AGBL4: variants seen among roughly 807,000 people sequenced by gnomAD.
The protein encoded by AGBL4 is cytosolic carboxypeptidase 6.
AGBL4 carries 58 observed loss-of-function variants against 66.4 expected under a neutral mutation model. That is an observed-to-expected ratio of 0.87 (90% CI 0.71 to 1.09). The LOEUF is 1.09. Among genes scored for constraint, AGBL4 ranks in the 50% least tolerant of loss-of-function variants. AGBL4 has a pLI of 0.00. For synonymous variants in AGBL4, 234 were observed against 222.9 expected (o/e 1.05, Z -0.44); for missense variants, 579 against 631.0 (o/e 0.92, Z 0.88).
intron 5 of AGBL4, among the ~76,000 whole-genome samples, chr1:48,946,248 T>G (rs1656495451): frequency 6.6e-6 from 1 of 152,204 alleles, no homozygotes; most frequent in African/African-American, 2.4e-5. Flanking sequence ...TGTGTACTCT[T>G]GAACTCTGAA....
chr1:49,644,322 G>A (rs1188660494), intron 3 of AGBL4, among the ~76,000 whole-genome samples: 1 of 151,478 alleles, frequency 6.6e-6, no homozygotes, highest in African/African-American at 2.4e-5. Flanking sequence ...ATAAAAAAAT[G>A]CAAACATTCC....
chr1:49,134,666 G>C (rs12036612), intron 4 of AGBL4, among the ~76,000 whole-genome samples: 6,380 of 151,806 alleles, frequency 0.042, 176 homozygotes, highest in East Asian at 0.074. Context: ...GAACGTTGCT[G>C]TTATCCTGTT....
chr1:49,741,382 C>T (rs565701017), intron 2 of AGBL4, among the ~76,000 whole-genome samples: 173 of 152,216 alleles, frequency 1.1e-3, no homozygotes, highest in African/African-American at 4.0e-3. Flanking sequence ...AGACCAATAA[C>T]AGGCTCTGAA....
intron 5 of AGBL4, among the ~76,000 whole-genome samples, chr1:49,012,109 C>T (rs1181492953): frequency 7.9e-5 from 12 of 151,358 alleles, no homozygotes; most frequent in African/African-American, 2.2e-4. Context: ...GGCTACTGTA[C>T]AATGGTGTGA....
At chr1:49,289,012 A>G (rs1644483708) in intron 3 of AGBL4, among the ~76,000 whole-genome samples, 1 of 152,094 alleles carries the variant, frequency 6.6e-6, no homozygotes, top group Non-Finnish European at 1.5e-5. Flanking sequence ...ACACACACAC[A>G]CACAGAGAGA....
rs532629144 is a variant in AGBL4 at position 49,439,393 on chromosome 1, T to G, written c.283-193529A>C. On this transcript the variant is annotated intron_variant, in intron 3 of 13. Transcript: ENST00000371839. ...ATAAGACTGTACCAGAAATCTGAGC[T>G]GTGAAAACTTAGTTTTGTTCCATTG... Among the ~76,000 whole-genome samples, 4 of 152,354 alleles carry G rather than the reference T, an allele frequency of 2.6e-5. No homozygotes were observed. The East Asian group carries it at 7.7e-4, about 29-fold the overall frequency.
chr1:49,645,875 T>C (rs76551496), intron 3 of AGBL4, among the ~76,000 whole-genome samples: 1,690 of 148,564 alleles, frequency 0.011, 27 homozygotes, highest in African/African-American at 0.04. Flanking sequence ...ATTAGAAAAA[T>C]AGTTAAGCTA....
chr1:48,776,580 C>T (rs1341336005), intron 6 of AGBL4: 17 of 1,382,614 alleles, frequency 1.2e-5, no homozygotes, highest in Non-Finnish European at 1.5e-5. Context: ...CCGGGTCCCA[C>T]CGTCCCTCCC....
At chr1:49,761,360 T>A (rs1652299443) in intron 2 of AGBL4, among the ~76,000 whole-genome samples, 1 of 152,142 alleles carries the variant, frequency 6.6e-6, no homozygotes, top group Non-Finnish European at 1.5e-5. Context: ...AATCACAGAA[T>A]ATATACAAAG....
chr1:49,462,150 T>C (rs891377819), intron 3 of AGBL4, among the ~76,000 whole-genome samples: 4 of 151,734 alleles, frequency 2.6e-5, no homozygotes, highest in Non-Finnish European at 5.9e-5. Context: ...AGATGAATGC[T>C]AAGGCTATTT....
At chr1:49,863,960 C>G (rs1646639395) in intron 1 of AGBL4, among the ~76,000 whole-genome samples, 1 of 152,094 alleles carries the variant, frequency 6.6e-6, no homozygotes, top group Admixed American at 6.5e-5. Context: ...ATCAGTATAT[C>G]AAAGAGATAT....
chr1:49,880,934 C>T lies in AGBL4; in HGVS notation c.35-29416G>A, dbSNP rs571237242. On this transcript the variant is annotated intron_variant, in intron 1 of 13. Coordinates refer to ENST00000371839, the MANE Select transcript of AGBL4 (RefSeq NM_032785.4). ...AGTGACCCGATTTTCCAGGTGCGTCCGTCACCCCTTTCTTTGACTCGGAAA... is the reference window on the plus strand; with the variant it reads ...AGTGACCCGATTTTCCAGGTGCGTCTGTCACCCCTTTCTTTGACTCGGAAA... 6.6e-5 allele frequency among the ~76,000 whole-genome samples: 10 copies of T among 152,114 alleles called. No individual in the cohort carries two copies. The South Asian group carries it at 1.7e-3, about 25-fold the overall frequency.
intron 3 of AGBL4, among the ~76,000 whole-genome samples, chr1:49,680,898 C>CTT (rs561782422): frequency 7.0e-6 from 1 of 143,504 alleles, no homozygotes; most frequent in Non-Finnish European, 1.5e-5. Context: ...GTTGTTTTTC[C>CTT]TTTTTTTTTT....
chr1:48,642,848 G>A (rs1645779256), intron 8 of AGBL4, among the ~76,000 whole-genome samples: 1 of 152,116 alleles, frequency 6.6e-6, no homozygotes, highest in African/African-American at 2.4e-5. Context: ...ACAAGACCTG[G>A]GTGCTGGCAA....
intron 3 of AGBL4, among the ~76,000 whole-genome samples, chr1:49,628,578 C>T (rs1645509044): frequency 6.6e-6 from 1 of 152,130 alleles, no homozygotes; most frequent in South Asian, 2.1e-4. Context: ...TTATCTCCTA[C>T]CCTGTGGTGT....
At chr1:49,717,843 C>A (rs929105885) in intron 2 of AGBL4, among the ~76,000 whole-genome samples, 1 of 151,950 alleles carries the variant, frequency 6.6e-6, no homozygotes, top group Non-Finnish European at 1.5e-5. Context: ...AAATAAGTTA[C>A]AGAGTCATTG....
At chr1:48,861,431 AT>A (rs1647461103) in intron 6 of AGBL4, among the ~76,000 whole-genome samples, 1 of 152,204 alleles carries the variant, frequency 6.6e-6, no homozygotes, top group Non-Finnish European at 1.5e-5. Flanking sequence ...AGCAGGATAA[AT>A]AAAAATAAAT....
At chr1:49,535,219 T>C (rs1292637489) in intron 3 of AGBL4, among the ~76,000 whole-genome samples, 1 of 151,824 alleles carries the variant, frequency 6.6e-6, no homozygotes, top group African/African-American at 2.4e-5. Flanking sequence ...TTGAAAGCAG[T>C]TGGGAAAGGA....
At chr1:49,953,436 T>A (rs1244979380) in intron 1 of AGBL4, among the ~76,000 whole-genome samples, 1 of 151,964 alleles carries the variant, frequency 6.6e-6, no homozygotes, top group East Asian at 1.9e-4. Flanking sequence ...TTATGCTATT[T>A]TACTGCAAAT....
Sources: gnomAD v4.1 joint callset for allele counts (sites outside exome capture counted in the v4.1 genomes callset) on GRCh38, gnomAD v4.1.1 for gene constraint, MANE v1.5 for transcripts, NCBI Gene and HGNC (gene_info 2026-07-23, HGNC 2026-07-21) for gene names.